The following ADAMTS12 variants were observed in gnomAD, a reference collection of about 807,000 sequenced individuals.
ADAMTS12 encodes the protein ADAM metallopeptidase with thrombospondin type 1 motif 12.
Under a neutral mutation model 167.8 loss-of-function variants are expected in ADAMTS12, and 118 were observed. That is an observed-to-expected ratio of 0.70 (90% CI 0.61 to 0.82). The LOEUF is 0.82. ADAMTS12 is among the 40% of genes least tolerant of loss of function. The pLI, the probability that ADAMTS12 is intolerant of heterozygous loss-of-function variation, is 0.00. For synonymous variants in ADAMTS12, 704 were observed against 716.9 expected (o/e 0.98, Z 0.29); for missense variants, 1,916 against 1,998.8 (o/e 0.96, Z 0.79).
chr5:33,755,804 C>T (rs970945761), intron 2 of ADAMTS12, among the ~76,000 whole-genome samples: 6 of 152,236 alleles, frequency 3.9e-5, no homozygotes, highest in Non-Finnish European at 7.3e-5. Flanking sequence ...ATTTGAAAAT[C>T]GCAGATGTTA....
At chr5:33,802,861 G>A (rs749204730) in intron 2 of ADAMTS12, among the ~76,000 whole-genome samples, 5 of 152,212 alleles carry the variant, frequency 3.3e-5, no homozygotes, top group Non-Finnish European at 7.3e-5. Context: ...TCTTCCAGAT[G>A]TGGGACCTAT....
At chr5:33,644,831 C>T (rs6887865) in intron 9 of ADAMTS12, among the ~76,000 whole-genome samples, 85,369 of 151,156 alleles carry the variant, frequency 0.56, 24,707 homozygotes, top group East Asian at 0.67. Context: ...CCTGGGTTCA[C>T]GCCATTCTCC....
intron 2 of ADAMTS12, among the ~76,000 whole-genome samples, chr5:33,849,272 AAT>A (rs1372799984): frequency 1.8e-5 from 2 of 111,554 alleles, no homozygotes; most frequent in Non-Finnish European, 3.7e-5. Context: ...ATTGCATAGC[AAT>A]ATATATATGT....
intron 16 of ADAMTS12, among the ~76,000 whole-genome samples, chr5:33,598,565 C>T (rs1738030413): frequency 6.6e-6 from 1 of 152,104 alleles, no homozygotes; most frequent in African/African-American, 2.4e-5. Flanking sequence ...GCATCTCTTA[C>T]ATTTTAAAAG....
Position 33,734,746 on chromosome 5 carries a change from G to A in ADAMTS12, c.634+16658C>T, listed in dbSNP as rs574950656. 1.3e-4 allele frequency among the ~76,000 whole-genome samples: 20 copies of A among 152,300 alleles called. 1 individual carries two copies. The South Asian group carries it at 4.1e-3, about 32-fold the overall frequency. The stretch of plus-strand genomic sequence containing the variant: ...GAGAGGAAGGGGCTATAGCCAAAAC[G>A]GTGGGTGGGGGAGGAGGCTGAGTGT... On this transcript the variant is annotated intron_variant, in intron 3 of 23. Transcript: ENST00000504830.
In ADAMTS12 at chr5:33,656,056, C is replaced by T. The variant is rs139252275; in HGVS notation, c.1190+2128G>A. Among the ~76,000 whole-genome samples the T allele has an allele frequency of 2.2e-4, 33 of 152,168 alleles. No homozygotes were observed. In the East Asian group the frequency reaches 5.4e-3, roughly 25 times the overall value. Reference sequence around the variant, plus strand: ...TTAGAGGTTTTTTTAGGAGCTAGATCCTCACTTTTTTCCTGCATAATTTGA... The same window carrying T: ...TTAGAGGTTTTTTTAGGAGCTAGATTCTCACTTTTTTCCTGCATAATTTGA... On this transcript the variant is annotated intron_variant, in intron 7 of 23. Transcript: ENST00000504830.
intron 3 of ADAMTS12, among the ~76,000 whole-genome samples, chr5:33,739,068 C>T (rs1041311139): frequency 6.6e-6 from 1 of 152,108 alleles, no homozygotes; most frequent in Non-Finnish European, 1.5e-5. Flanking sequence ...AGAGTTTAAC[C>T]TCTCTGTTGA....
At position 33,564,181 on chromosome 5, in the gene ADAMTS12, G is replaced by T. The variant is rs1745889988; in HGVS notation, c.3973-3002C>A. On this transcript the variant is annotated intron_variant, in intron 19 of 23. Transcript: ENST00000504830. ...ACTTTAGAAATCACTTCCTGTTTTAGGGATCAGGAAAAGCTTTGTGCAAGA... is the reference window on the plus strand; with the variant it reads ...ACTTTAGAAATCACTTCCTGTTTTATGGATCAGGAAAAGCTTTGTGCAAGA... 2.0e-5 allele frequency among the ~76,000 whole-genome samples: 3 copies of T among 152,202 alleles called. No individual in the cohort carries two copies. The South Asian group carries it at 6.2e-4, about 32-fold the overall frequency.
At chr5:33,542,610 G>A (rs1372935482) in intron 22 of ADAMTS12, among the ~76,000 whole-genome samples, 3 of 152,126 alleles carry the variant, frequency 2.0e-5, no homozygotes, top group Admixed American at 6.6e-5. Context: ...CACATAATTG[G>A]AAGTAAAGCA....
chr5:33,680,479 T>G (rs902096880), intron 5 of ADAMTS12, among the ~76,000 whole-genome samples: 16 of 148,534 alleles, frequency 1.1e-4, no homozygotes, highest in Non-Finnish European at 2.2e-4. Context: ...CCCAGGATTT[T>G]TCCTTCTTAT....
At chr5:33,709,123 T>A (rs1743299093) in intron 3 of ADAMTS12, among the ~76,000 whole-genome samples, 1 of 152,186 alleles carries the variant, frequency 6.6e-6, no homozygotes, top group Non-Finnish European at 1.5e-5. Context: ...CACTGATCAT[T>A]AGAGAAATGC....
At chr5:33,772,113 T>G (rs1745760203) in intron 2 of ADAMTS12, among the ~76,000 whole-genome samples, 1 of 152,148 alleles carries the variant, frequency 6.6e-6, no homozygotes, top group Non-Finnish European at 1.5e-5. Context: ...CTCTGCGGCC[T>G]CCCAAGGTGC....
intron 13 of ADAMTS12, among the ~76,000 whole-genome samples, chr5:33,628,098 G>A (rs1189242611): frequency 6.6e-6 from 1 of 152,160 alleles, no homozygotes; most frequent in African/African-American, 2.4e-5. Context: ...TTAGGGAGCA[G>A]CTGATGGATA....
In ADAMTS12 at chr5:33,614,237, C is replaced by T; in HGVS notation, c.2527+1G>A. ...TCATAGTGAGAGCAGCTGTTTCTCA[C>T]CTGTCCCGCAGGTCACACTGCACTC... On this transcript the variant is annotated splice_donor_variant, in intron 16 of 23. Coordinates refer to ENST00000504830, the MANE Select transcript of ADAMTS12 (RefSeq NM_030955.4). LOFTEE classifies it high-confidence loss of function. The T allele has an allele frequency of 6.2e-7, 1 of 1,613,260 alleles. No homozygotes were observed. Among genetic ancestry groups the T allele is most frequent in the Non-Finnish European group, 8.5e-7 (1 of 1,179,604 alleles).
intron 20 of ADAMTS12, among the ~76,000 whole-genome samples, chr5:33,555,914 G>A (rs1382028126): frequency 6.6e-6 from 1 of 152,126 alleles, no homozygotes; most frequent in African/African-American, 2.4e-5. Context: ...GTGTAGTACT[G>A]GGGAGTGAAC....
In ADAMTS12 at chr5:33,641,879, G is replaced by C. The variant is rs1035390471; in HGVS notation, c.1649C>G (p.Pro550Arg). 1 of 1,613,804 alleles carries C rather than the reference G, an allele frequency of 6.2e-7. No homozygotes were observed. The highest frequency in any genetic ancestry group is 1.3e-5 in the African/African-American group (1 of 75,022). ...SIPGGWGRWS[P>R]WSHCSRTCGA... ...ACAGGTCCTGGAACAGTGGGACCAG[G>C]GTGACCAGCGGCCCCAGCCTCCAGG... is the stretch of plus-strand genomic sequence containing the variant. Residue 550 changes from proline (P) to arginine (R), a missense_variant, in exon 11 of 24, where the codon CCC becomes CGC. Physicochemically the swap from Pro to Arg is moderately radical, Grantham distance 103 (BLOSUM62 -2). Transcript: ENST00000504830.
At chr5:33,541,724 T>C (rs1051356768) in intron 22 of ADAMTS12, among the ~76,000 whole-genome samples, 2 of 152,194 alleles carry the variant, frequency 1.3e-5, no homozygotes, top group African/African-American at 4.8e-5. Flanking sequence ...GAATTTCATA[T>C]ACAACCAAAC....
intron 22 of ADAMTS12, among the ~76,000 whole-genome samples, chr5:33,541,033 C>A (rs1345783243): frequency 6.6e-6 from 1 of 152,180 alleles, no homozygotes; most frequent in Non-Finnish European, 1.5e-5. Context: ...ATAACAATTT[C>A]TCTGAGCTAA....
At chr5:33,784,272 A>G (rs79534574) in intron 2 of ADAMTS12, among the ~76,000 whole-genome samples, 7,627 of 151,930 alleles carry the variant, frequency 0.05, 679 homozygotes, top group African/African-American at 0.18. Flanking sequence ...AAAAGACAGA[A>G]TGCTTTACCC....
Sources: gnomAD v4.1 joint callset for allele counts (sites outside exome capture counted in the v4.1 genomes callset) on GRCh38, gnomAD v4.1.1 for gene constraint, MANE v1.5 for transcripts, NCBI Gene and HGNC (gene_info 2026-07-23, HGNC 2026-07-21) for gene names.